The following PDE10A variants were observed in gnomAD, a reference collection of about 807,000 sequenced individuals.
The protein encoded by PDE10A is phosphodiesterase 10A, also known as cAMP and cAMP-inhibited cGMP 3',5'-cyclic phosphodiesterase 10A.
In PDE10A, 39 loss-of-function variants were observed where a neutral mutation model predicts 97.7. The ratio of observed to expected loss-of-function variants is 0.40; its 90% CI spans 0.31 to 0.52. The LOEUF (loss-of-function observed/expected upper bound fraction) is 0.52. PDE10A is among the 20% of genes least tolerant of loss of function. PDE10A has a pLI of 0.56. For synonymous variants in PDE10A, 371 were observed against 376.8 expected (o/e 0.98, Z 0.18); for missense variants, 731 against 1,047.8 (o/e 0.70, Z 4.17).
intron 1 of PDE10A, among the ~76,000 whole-genome samples, chr6:165,682,799 G>A (rs887003587): frequency 2.0e-5 from 3 of 152,180 alleles, no homozygotes; most frequent in Non-Finnish European, 4.4e-5. Flanking sequence ...CATCAACAGG[G>A]AACGTGAAGA....
chr6:165,528,998 C>T (rs1247649483), intron 2 of PDE10A, among the ~76,000 whole-genome samples: 1 of 152,160 alleles, frequency 6.6e-6, no homozygotes, highest in Non-Finnish European at 1.5e-5. Context: ...CTCACCATCA[C>T]CCCTAGTGAT....
intron 1 of PDE10A, among the ~76,000 whole-genome samples, chr6:165,861,607 A>AGG: frequency 6.6e-6 from 1 of 152,004 alleles, no homozygotes; most frequent in Non-Finnish European, 1.5e-5. Flanking sequence ...GGTGTGATCC[A>AGG]ACAGCAGTCG....
At chr6:165,676,312 A>C (rs1790794678) in intron 1 of PDE10A, among the ~76,000 whole-genome samples, 1 of 152,216 alleles carries the variant, frequency 6.6e-6, no homozygotes, top group Non-Finnish European at 1.5e-5. Context: ...GCCACACTAA[A>C]GTCCAGACTT....
At chr6:165,441,077 A>G (rs1006234266) in intron 5 of PDE10A, among the ~76,000 whole-genome samples, 1 of 152,206 alleles carries the variant, frequency 6.6e-6, no homozygotes, top group African/African-American at 2.4e-5. Flanking sequence ...GCCAGGATAC[A>G]ACATAAGTTG....
At chr6:165,473,298 T>C (rs1443508521) in intron 3 of PDE10A, among the ~76,000 whole-genome samples, 1 of 152,198 alleles carries the variant, frequency 6.6e-6, no homozygotes, top group Non-Finnish European at 1.5e-5. Flanking sequence ...CTGACTGGAT[T>C]AGACTGGTTT....
chr6:165,478,884 C>T (rs1466020482), intron 3 of PDE10A, among the ~76,000 whole-genome samples: 2 of 152,174 alleles, frequency 1.3e-5, no homozygotes, highest in African/African-American at 2.4e-5. Context: ...CAACTAATTG[C>T]CCATCAGAAA....
chr6:165,353,006 C>A (rs1782796871), intron 18 of PDE10A, among the ~76,000 whole-genome samples: 1 of 152,038 alleles, frequency 6.6e-6, no homozygotes, highest in Admixed American at 6.6e-5. Context: ...TAAGAAAACA[C>A]CCAAATATAA....
intron 1 of PDE10A, among the ~76,000 whole-genome samples, chr6:165,763,946 T>C (rs1178765320): frequency 1.3e-5 from 2 of 152,240 alleles, no homozygotes; most frequent in Non-Finnish European, 2.9e-5. Context: ...AAGTTATTAT[T>C]ATCCCCATTT....
intron 1 of PDE10A, among the ~76,000 whole-genome samples, chr6:165,619,365 T>C (rs796790493): frequency 2.9e-4 from 28 of 95,670 alleles, no homozygotes; most frequent in Non-Finnish European, 3.3e-4. Flanking sequence ...TAGTCTAGTG[T>C]AGTGTGGTGT....
At chr6:165,409,221 C>A (rs886113013) in intron 13 of PDE10A, among the ~76,000 whole-genome samples, 2 of 150,324 alleles carry the variant, frequency 1.3e-5, no homozygotes, top group African/African-American at 4.9e-5. Flanking sequence ...CTTGCAGCTG[C>A]ACTGAATATA....
intron 1 of PDE10A, among the ~76,000 whole-genome samples, chr6:165,794,202 A>G (rs756376657): frequency 2.6e-5 from 4 of 150,988 alleles, no homozygotes; most frequent in Non-Finnish European, 5.9e-5. Flanking sequence ...ACTCACGCTC[A>G]CACACACTCA....
chr6:165,843,055 T>C (rs1424131855), intron 1 of PDE10A, among the ~76,000 whole-genome samples: 2 of 152,208 alleles, frequency 1.3e-5, no homozygotes, highest in Non-Finnish European at 2.9e-5. Flanking sequence ...ACAAATACAC[T>C]GTGAGGCCCC....
At chr6:165,762,687 T>C (rs2874946) in intron 1 of PDE10A, among the ~76,000 whole-genome samples, 21,352 of 152,142 alleles carry the variant, frequency 0.14, 2,304 homozygotes, top group African/African-American at 0.3. Context: ...ATAAAAATTT[T>C]GTCTACTTTT....
At chr6:165,969,946 AAAGGG>A (rs1784620375) in intron 1 of PDE10A, among the ~76,000 whole-genome samples, 1 of 152,254 alleles carries the variant, frequency 6.6e-6, no homozygotes, top group Non-Finnish European at 1.5e-5. Context: ...TCATAATGAC[AAAGGG>A]AAAGAGTGTA....
At chr6:165,463,873 T>G (rs556237753) in intron 3 of PDE10A, among the ~76,000 whole-genome samples, 77 of 152,362 alleles carry the variant, frequency 5.1e-4, no homozygotes, top group African/African-American at 1.8e-3. Flanking sequence ...AACAATAGCA[T>G]GAGTGATCTG....
chr6:165,794,496 A>T (rs1778772129), intron 1 of PDE10A, among the ~76,000 whole-genome samples: 1 of 151,448 alleles, frequency 6.6e-6, no homozygotes, highest in Non-Finnish European at 1.5e-5. Flanking sequence ...CACACACTAC[A>T]CACTCACATG....
intron 2 of PDE10A, among the ~76,000 whole-genome samples, chr6:165,521,488 G>T (rs1782126504): frequency 6.6e-6 from 1 of 152,190 alleles, no homozygotes; most frequent in African/African-American, 2.4e-5. Flanking sequence ...CGTTGTTAAT[G>T]CAAAGCAAAA....
chr6:165,880,383 A>G (rs1298100213), intron 1 of PDE10A, among the ~76,000 whole-genome samples: 1 of 152,178 alleles, frequency 6.6e-6, no homozygotes, highest in Non-Finnish European at 1.5e-5. Context: ...AGACTGATAG[A>G]GAATTGGTAC....
intron 1 of PDE10A, among the ~76,000 whole-genome samples, chr6:165,839,769 T>C (rs1780168144): frequency 1.6e-5 from 1 of 61,276 alleles, no homozygotes; most frequent in Non-Finnish European, 3.9e-5. Flanking sequence ...CCTGTCTCCA[T>C]CCCCATCTGC....
Sources: gnomAD v4.1 joint callset for allele counts (sites outside exome capture counted in the v4.1 genomes callset) on GRCh38, gnomAD v4.1.1 for gene constraint, MANE v1.5 for transcripts, NCBI Gene and HGNC (gene_info 2026-07-23, HGNC 2026-07-21) for gene names.